The following PCDH8 variants were observed in gnomAD, a reference collection of about 807,000 sequenced individuals.
PCDH8 encodes protocadherin-8.
PCDH8 carries 36 observed loss-of-function variants against 58.2 expected under a neutral mutation model. The ratio of observed to expected loss-of-function variants is 0.62; its 90% CI spans 0.47 to 0.82. The LOEUF is 0.82. Ranked by LOEUF, PCDH8 falls within the 40% of genes least tolerant of loss-of-function variation. The pLI is 0.00. For missense variants in PCDH8, 1,493 were observed against 1,567.8 expected (o/e 0.95, Z 0.81); for synonymous variants, 775 against 728.9 (o/e 1.06, Z -1.02).
In PCDH8 at chr13:52,845,616, G is replaced by C. The variant is rs765917713; in HGVS notation, c.2648C>G (p.Pro883Arg). 35 of 1,613,866 alleles carry C rather than the reference G, an allele frequency of 2.2e-5. 1 individual carries two copies. Among genetic ancestry groups the C allele is most frequent in the Non-Finnish European group, 2.9e-5 (34 of 1,180,024 alleles). ...GGGCGCCGGCTCCTTTCCAAAACCCGGGGAGGCACCGTAGGGCTGCAGCAG... is the reference window on the plus strand; with the variant it reads ...GGGCGCCGGCTCCTTTCCAAAACCCCGGGAGGCACCGTAGGGCTGCAGCAG... The part of the protein sequence containing the change: ...GAHAEPYGAS[P>R]GFGKEPAPPV... Residue 883 changes from proline (P) to arginine (R), a missense_variant, in exon 2 of 3, where the codon CCG becomes CGG. Physicochemically the swap from Pro to Arg is moderately radical, Grantham distance 103. Transcript: ENST00000377942.
Position 52,844,607 on chromosome 13 carries a change from G to A in PCDH8, c.3166C>T (p.Pro1056Ser), listed in dbSNP as rs756386702. The A allele has an allele frequency of 6.2e-7, 1 of 1,611,076 alleles. No homozygotes were observed. The highest frequency in any genetic ancestry group is 8.5e-7 in the Non-Finnish European group (1 of 1,178,394). ...TTCTTCGGGGACAGGTACCTGCCAG[G>A]AGGGGACTGGTAGAGGGGTACTCCA... ...EIGVPLYQSP[P>S]GRYLSPKKGA... Residue 1056 changes from proline to serine, a missense_variant, in exon 3 of 3, where the codon CCT becomes TCT. Transcript: ENST00000377942.
At position 52,845,837 on chromosome 13, in the gene PCDH8, C is replaced by A; in HGVS notation, c.2600G>T (p.Gly867Val). The A allele has an allele frequency of 1.3e-6, 2 of 1,517,260 alleles. No individual in the cohort carries two copies. The highest frequency in any genetic ancestry group is 8.8e-7 in the Non-Finnish European group (1 of 1,140,390). The allele number at this position is 1,517,260 out of a possible 1,614,324, so 94.0% of individuals were successfully genotyped here. A position where few individuals can be genotyped will look rare whatever the true frequency, so the allele number is the denominator to read the frequency against. The change falls in exon 1 of 3, where the codon GGG becomes GTG. Residue 867 changes from glycine (G) to valine (V), a missense_variant. Gly to Val is a moderately radical substitution (Grantham distance 109). Coordinates refer to ENST00000377942, the MANE Select transcript of PCDH8 (RefSeq NM_002590.4). ...GTGCGCGCCGCGGAGCCGCTGCTGCCCCTCGAAGTGACAGGCGCTTTCCCC... is the reference window on the plus strand; with the variant it reads ...GTGCGCGCCGCGGAGCCGCTGCTGCACCTCGAAGTGACAGGCGCTTTCCCC... Reference protein sequence around the residue: ...ATGESACHFEGQQRLRGAHAE... With the variant: ...ATGESACHFEVQQRLRGAHAE...
At position 52,844,793 on chromosome 13, in the gene PCDH8, G is replaced by A; in HGVS notation, c.2980C>T (p.Pro994Ser). 6.2e-7 allele frequency: 1 copy of A among 1,613,312 alleles called. No individual in the cohort carries two copies. The highest frequency in any genetic ancestry group is 1.1e-5 in the South Asian group (1 of 90,936). The change falls in exon 3 of 3, where the codon CCT becomes TCT. Residue 994 changes from proline (P) to serine (S), a missense_variant. Pro to Ser is a moderately conservative substitution (Grantham distance 74, BLOSUM62 -1). Coordinates refer to ENST00000377942, the MANE Select transcript of PCDH8 (RefSeq NM_002590.4). Reference sequence around the variant, plus strand: ...TTGTCCCTGCGCAGAGGATCCCGAGGCAGTGACGTGCTCTTACAGAAGGTT... The same window carrying A: ...TTGTCCCTGCGCAGAGGATCCCGAGACAGTGACGTGCTCTTACAGAAGGTT... ...MSTFCKSTSL[P>S]RDPLRRDNYY...
At position 52,847,754 on chromosome 13, in the gene PCDH8, G is replaced by T. The variant is rs772717571; in HGVS notation, c.683C>A (p.Thr228Lys). 6.8e-6 allele frequency: 10 copies of T among 1,472,356 alleles called. No homozygotes were observed. The highest frequency in any genetic ancestry group is 8.9e-6 in the Non-Finnish European group (10 of 1,121,398). 91.2% of individuals were successfully genotyped at this position (1,472,356 alleles called of 1,614,324 possible). Reference protein sequence around the residue: ...QDGGRPPRSATAALSVRVLDA... With the variant: ...QDGGRPPRSAKAALSVRVLDA... Reference sequence around the variant, plus strand: ...CAGGACGCGCACGCTGAGGGCAGCCGTGGCGGAGCGCGGCGGGCGGCCGCC... The same window carrying T: ...CAGGACGCGCACGCTGAGGGCAGCCTTGGCGGAGCGCGGCGGGCGGCCGCC... The change falls in exon 1 of 3, where the codon ACG becomes AAG. Residue 228 changes from threonine (T) to lysine (K), a missense_variant. By Grantham distance (78) the Thr-to-Lys change is moderately conservative. Transcript: ENST00000377942.
chr13:52,845,818 G>A lies in PCDH8; in HGVS notation c.2619C>T (p.Gly873=). ...AGGAAGGCCTCACCTCGGCGTGCGC[G>A]CCGCGGAGCCGCTGCTGCCCCTCGA... ...CHFEGQQRLR[G]AHAEPYGASP... Residue 873 remains glycine (G), a synonymous_variant, in exon 1 of 3, where the codon GGC becomes GGT. Coordinates refer to ENST00000377942, the MANE Select transcript of PCDH8 (RefSeq NM_002590.4). 2 of 1,504,850 alleles carry A rather than the reference G, an allele frequency of 1.3e-6. No homozygotes were observed. 93.2% of individuals were successfully genotyped at this position (1,504,850 alleles called of 1,614,324 possible).
rs1185002899 is a variant in PCDH8, at chr13:52,843,414, T to C, written c.*1146A>G. 6.6e-6 allele frequency: 1 copy of C among 152,164 alleles called. No homozygotes were observed. The highest frequency in any genetic ancestry group is 1.5e-5 in the Non-Finnish European group (1 of 68,042). The allele number at this position is 152,164 out of a possible 1,614,324, so 9.4% of individuals were successfully genotyped here. The stretch of plus-strand genomic sequence containing the variant: ...CCCAAACATCATGTCATTTTGCCCA[T>C]AAATTTGAGTGGAATAGAGCTGATA... On this transcript the variant is annotated 3_prime_UTR_variant, in exon 3 of 3. Coordinates refer to ENST00000377942, the MANE Select transcript of PCDH8 (RefSeq NM_002590.4).
chr13:52,844,625 G>A lies in PCDH8; in HGVS notation c.3148C>T (p.Pro1050Ser). 1 of 1,613,166 alleles carries A rather than the reference G, an allele frequency of 6.2e-7. No individual in the cohort carries two copies. The highest frequency in any genetic ancestry group is 8.5e-7 in the Non-Finnish European group (1 of 1,179,344). ...RLPDLQEIGV[P>S]LYQSPPGRYL... Reference sequence around the variant, plus strand: ...CTGCCAGGAGGGGACTGGTAGAGGGGTACTCCAATCTCCTGCAGGTCTGGG... The same window carrying A: ...CTGCCAGGAGGGGACTGGTAGAGGGATACTCCAATCTCCTGCAGGTCTGGG... The change falls in exon 3 of 3, where the codon CCC (proline) becomes TCC (serine). Residue 1050 changes from proline (P) to serine (S), a missense_variant. Coordinates refer to ENST00000377942, the MANE Select transcript of PCDH8 (RefSeq NM_002590.4).
At position 52,847,036 on chromosome 13, in the gene PCDH8, C is replaced by T; in HGVS notation, c.1401G>A (p.Leu467=). The change falls in exon 1 of 3, where the codon CTG becomes CTA. Residue 467 remains leucine (L), a synonymous_variant. Coordinates refer to ENST00000377942, the MANE Select transcript of PCDH8 (RefSeq NM_002590.4). ...GGGGCGCGCCGCGATCCTCGGCCAC[C>T]AGCGTCAAGTTGTACTCGGCGATGC... is the stretch of plus-strand genomic sequence containing the variant. The part of the protein sequence containing the change: ...RERIAEYNLT[L]VAEDRGAPPL... 1.3e-6 allele frequency: 2 copies of T among 1,567,470 alleles called. No individual in the cohort carries two copies. Among genetic ancestry groups the T allele is most frequent in the South Asian group, 1.2e-5 (1 of 85,766 alleles).
rs1222066466 is a variant in PCDH8 at position 52,847,961 on chromosome 13, G to C, written c.476C>G (p.Pro159Arg). 2 of 1,610,564 alleles carry C rather than the reference G, an allele frequency of 1.2e-6. No individual in the cohort carries two copies. The highest frequency in any genetic ancestry group is 1.7e-6 in the Non-Finnish European group (2 of 1,178,986). Residue 159 changes from proline (P) to arginine (R), a missense_variant, in exon 1 of 3, where the codon CCG becomes CGG. Around this residue, in one of 3 missense-constraint regions of PCDH8, gnomAD observed 1,307 missense variants for 1,362.7 expected, o/e 0.96. Transcript: ENST00000377942. ...AVGTRIPLEV[P>R]VDEDVGANGL... ...GTTGGCGCCCACGTCCTCGTCCACC[G>C]GCACCTCCAAGGGGATGCGCGTGCC...
rs1399356460 is a variant in PCDH8 at position 52,846,807 on chromosome 13, C to G, written c.1630G>C (p.Ala544Pro). 6.4e-7 allele frequency: 1 copy of G among 1,552,442 alleles called. No individual in the cohort carries two copies. Among genetic ancestry groups the G allele is most frequent in the African/African-American group, 1.4e-5 (1 of 73,666 alleles). Reference protein sequence around the residue: ...YRLLEAEVGRAGGAVSTYVSV... With the variant: ...YRLLEAEVGRPGGAVSTYVSV... ...ACATAAGTGGACACGGCGCCCCCGG[C>G]GCGGCCCACCTCGGCCTCCAGCAGC... Residue 544 changes from alanine to proline, a missense_variant, in exon 1 of 3, where the codon GCC becomes CCC. By Grantham distance (27) the Ala-to-Pro change is conservative (BLOSUM62 -1). This residue lies in a region of PCDH8 where 1,307 missense variants were observed against 1,362.7 expected (regional missense o/e 0.96). Coordinates refer to ENST00000377942, the MANE Select transcript of PCDH8 (RefSeq NM_002590.4).
At chr13:52,845,683 C>A (rs1331771777) in intron 1 of PCDH8, 51 bp from the exon 2 acceptor site, 1 of 1,594,758 alleles carries the variant, frequency 6.3e-7, no homozygotes, top group Admixed American at 1.7e-5. Context: ...GGATAAGAAA[C>A]AAACAAAAAA....
In PCDH8 at chr13:52,846,353, C is replaced by A. The variant is rs1167858925; in HGVS notation, c.2084G>T (p.Gly695Val). 6 of 1,567,466 alleles carry A rather than the reference C, an allele frequency of 3.8e-6. 1 individual carries two copies. In the East Asian group the frequency reaches 1.1e-4, roughly 30 times the overall value. Residue 695 changes from glycine to valine, a missense_variant, in exon 1 of 3, where the codon GGC becomes GTC. Around this residue, in one of 3 missense-constraint regions of PCDH8, gnomAD observed 1,307 missense variants for 1,362.7 expected, o/e 0.96. Coordinates refer to ENST00000377942, the MANE Select transcript of PCDH8 (RefSeq NM_002590.4). The part of the protein sequence containing the change: ...VFRALLVISD[G>V]GRPPLTTTAT... ...GGTGGTGGTGAGCGGGGGACGGCCG[C>A]CGTCGGATATGACCAGGAGCGCCCT...
rs148176477 is a variant in PCDH8 at position 52,843,173 on chromosome 13, T to C, written c.*1387A>G. On this transcript the variant is annotated 3_prime_UTR_variant, in exon 3 of 3. Coordinates refer to ENST00000377942, the MANE Select transcript of PCDH8 (RefSeq NM_002590.4). ...ATCATCATTTTAATTTCAAATGAAA[T>C]CCATAGAGTATAAGACATAGGCATA... 24 of 152,322 alleles carry C rather than the reference T, an allele frequency of 1.6e-4. No individual in the cohort carries two copies. The highest frequency in any genetic ancestry group is 5.8e-4 in the African/African-American group (24 of 41,572). 9.4% of individuals were successfully genotyped at this position (152,322 alleles called of 1,614,324 possible).
chr13:52,846,045 C>G lies in PCDH8; in HGVS notation c.2392G>C (p.Gly798Arg). ...REERPGAAGG[G>R]ASAPGSPEEA... ...TCCGGGGAGCCGGGAGCCGAGGCTC[C>G]GCCGCCCGCCGCCCCGGGCCGCTCT... Residue 798 changes from glycine (G) to arginine (R), a missense_variant, in exon 1 of 3, where the codon GGA becomes CGA. Physicochemically the swap from Gly to Arg is moderately radical, Grantham distance 125. Transcript: ENST00000377942. The G allele has an allele frequency of 6.7e-7, 1 of 1,502,438 alleles. No homozygotes were observed. The allele number at this position is 1,502,438 out of a possible 1,614,324, so 93.1% of individuals were successfully genotyped here.
Position 52,846,849 on chromosome 13 carries a change from C to G in PCDH8, c.1588G>C (p.Gly530Arg). The G allele has an allele frequency of 6.5e-7, 1 of 1,548,274 alleles. No homozygotes were observed. Among genetic ancestry groups the G allele is most frequent in the Non-Finnish European group, 8.7e-7 (1 of 1,152,180 alleles). The stretch of plus-strand genomic sequence containing the variant: ...TCCAGCAGCCGGTAGGTGACCTGGC[C>G]GTTGCGGCCCAGGTCCCGGTCGCGG... ...AARDRDLGRN[G>R]QVTYRLLEAE... The change falls in exon 1 of 3, where the codon GGC (glycine) becomes CGC (arginine). Residue 530 changes from glycine (G) to arginine (R), a missense_variant. This residue lies in a region of PCDH8 where 1,307 missense variants were observed against 1,362.7 expected (regional missense o/e 0.96). Transcript: ENST00000377942.
At position 52,846,892 on chromosome 13, in the gene PCDH8, G is replaced by A. The variant is rs757211954; in HGVS notation, c.1545C>T (p.Tyr515=). ...SVRENNPPGA[Y]LATVAARDRD... is the part of the protein sequence containing the mutation. The stretch of plus-strand genomic sequence containing the variant: ...GGTCGCGGGCGGCCACCGTGGCCAG[G>A]TAGGCGCCTGGCGGGTTGTTCTCGC... Residue 515 remains tyrosine, a synonymous_variant, in exon 1 of 3, where the codon TAC becomes TAT. Coordinates refer to ENST00000377942, the MANE Select transcript of PCDH8 (RefSeq NM_002590.4). The A allele has an allele frequency of 7.7e-6, 12 of 1,568,610 alleles. No homozygotes were observed. The South Asian group carries it at 1.4e-4, about 18-fold the overall frequency.
At position 52,848,616 on chromosome 13, in the gene PCDH8, C is replaced by G; in HGVS notation, c.-180G>C. On this transcript the variant is annotated 5_prime_UTR_variant, in exon 1 of 3. Transcript: ENST00000377942. ...GACGCGCGGACCCGCCCTCACTCTG[C>G]GCCTCTCCGTCTCTTACAGAAGCTG... 8.1e-7 allele frequency: 1 copy of G among 1,228,218 alleles called. No homozygotes were observed. The highest frequency in any genetic ancestry group is 1.1e-6 in the Non-Finnish European group (1 of 925,680). 76.1% of individuals were successfully genotyped at this position (1,228,218 alleles called of 1,614,324 possible).
chr13:52,846,871 G>A lies in PCDH8; in HGVS notation c.1566C>T (p.Arg522=). Reference sequence around the variant, plus strand: ...GGCCGTTGCGGCCCAGGTCCCGGTCGCGGGCGGCCACCGTGGCCAGGTAGG... The same window carrying A: ...GGCCGTTGCGGCCCAGGTCCCGGTCACGGGCGGCCACCGTGGCCAGGTAGG... ...PGAYLATVAA[R]DRDLGRNGQV... The change falls in exon 1 of 3, where the codon CGC becomes CGT. Residue 522 remains arginine (R), a synonymous_variant. Coordinates refer to ENST00000377942, the MANE Select transcript of PCDH8 (RefSeq NM_002590.4). The A allele has an allele frequency of 1.3e-6, 2 of 1,551,878 alleles. No homozygotes were observed. Among genetic ancestry groups the A allele is most frequent in the Non-Finnish European group, 8.7e-7 (1 of 1,153,012 alleles).
Position 52,846,792 on chromosome 13 carries a change from A to G in PCDH8, c.1645T>C (p.Ser549Pro), listed in dbSNP as rs1482560957. 2 of 1,559,136 alleles carry G rather than the reference A, an allele frequency of 1.3e-6. No individual in the cohort carries two copies. The highest frequency in any genetic ancestry group is 1.7e-6 in the Non-Finnish European group (2 of 1,159,570). Residue 549 changes from serine (S) to proline (P), a missense_variant, in exon 1 of 3, where the codon TCC (serine) becomes CCC (proline). By Grantham distance (74) the Ser-to-Pro change is moderately conservative. Coordinates refer to ENST00000377942, the MANE Select transcript of PCDH8 (RefSeq NM_002590.4). ...AEVGRAGGAV[S>P]TYVSVDPATG... ...GCTGGGTCCACCGAGACATAAGTGG[A>G]CACGGCGCCCCCGGCGCGGCCCACC...
Sources: allele counts gnomAD v4.1 joint callset, GRCh38; gene constraint gnomAD v4.1.1; regional missense constraint gnomAD v4.1.1; transcripts MANE v1.5; gene names NCBI Gene and HGNC (gene_info 2026-07-23, HGNC 2026-07-21).